The following IL16 variants were observed in gnomAD, a reference collection of about 807,000 sequenced individuals.
The protein encoded by IL16 is interleukin 16, also known as pro-interleukin-16.
In IL16, 67 loss-of-function variants were observed where a neutral mutation model predicts 110.1. The observed-to-expected ratio is 0.61, with a 90% CI of 0.50 to 0.75. The LOEUF (loss-of-function observed/expected upper bound fraction) is 0.75, where lower values mean the gene tolerates loss of function less well. IL16 is among the 30% of genes least tolerant of loss of function. The pLI, the probability that IL16 is intolerant of heterozygous loss-of-function variation, is 0.00. For missense variants in IL16, 1,545 were observed against 1,655.0 expected (o/e 0.93, Z 1.15); for synonymous variants, 689 against 662.9 (o/e 1.04, Z -0.61).
rs1439721410 is a variant in IL16 at position 81,309,445 on chromosome 15, G to A, written c.*647G>A. On this transcript the variant is annotated 3_prime_UTR_variant, in exon 19 of 19. Transcript: ENST00000683961. ...ATCCCAGGATCGCAAGAGCCATGTA[G>A]AAGCTGCATCTTGTTTATACCTTTG... 6.5e-6 allele frequency: 1 copy of A among 152,714 alleles called. No individual in the cohort carries two copies. Among genetic ancestry groups the A allele is most frequent in the African/African-American group, 2.4e-5 (1 of 41,458 alleles). 9.5% of individuals were successfully genotyped at this position (152,714 alleles called of 1,614,324 possible).
intron 15 of IL16, among the ~76,000 whole-genome samples, chr15:81,302,602 A>G (rs1231238234): frequency 6.6e-6 from 1 of 152,202 alleles, no homozygotes; most frequent in Non-Finnish European, 1.5e-5. Context: ...GCTGCAAGTC[A>G]GGTGCTCTAG....
chr15:81,299,427 C>T lies in IL16; in HGVS notation c.2101C>T (p.Arg701Trp), dbSNP rs753354581. Residue 701 changes from arginine (R) to tryptophan (W), a missense_variant, in exon 14 of 19, where the codon CGG (arginine) becomes TGG (tryptophan). Transcript: ENST00000683961. ...IKHPLLKRQA[R>W]MDYSFDTTAE... ...ACACCCACTGCTTAAGAGGCAGGCT[C>T]GGATGGACTATAGCTTTGATACCAC... The T allele has an allele frequency of 7.2e-5, 116 of 1,614,108 alleles. 1 individual carries two copies. The Middle Eastern group carries it at 1.2e-3, about 16-fold the overall frequency.
At chr15:81,293,625 G>A (rs17875485) in intron 12 of IL16, among the ~76,000 whole-genome samples, 1 of 152,254 alleles carries the variant, frequency 6.6e-6, no homozygotes, top group East Asian at 1.9e-4. Context: ...GCTTAAACCC[G>A]GGAGGAGTGG....
At chr15:81,304,798 A>G (rs955920581) in intron 16 of IL16, among the ~76,000 whole-genome samples, 1 of 152,190 alleles carries the variant, frequency 6.6e-6, no homozygotes, top group Non-Finnish European at 1.5e-5. Context: ...GGGGATTCTA[A>G]CCATGTAACA....
At chr15:81,215,765 G>C (rs1287439149) in intron 1 of IL16, among the ~76,000 whole-genome samples, 1 of 152,202 alleles carries the variant, frequency 6.6e-6, no homozygotes, top group Non-Finnish European at 1.5e-5. Context: ...CACACTCTGA[G>C]GGTGGGGGAT....
At chr15:81,272,656 T>C (rs2142253239) in intron 5 of IL16, among the ~76,000 whole-genome samples, 1 of 152,362 alleles carries the variant, frequency 6.6e-6, no homozygotes, top group Non-Finnish European at 1.5e-5. Flanking sequence ...TTGGTATTTT[T>C]ATGATTGTTG....
intron 1 of IL16, among the ~76,000 whole-genome samples, chr15:81,217,283 G>A (rs1033827298): frequency 6.6e-6 from 1 of 152,146 alleles, no homozygotes; most frequent in African/African-American, 2.4e-5. Context: ...GTCTGTGATG[G>A]ACAACTTTAT....
intron 3 of IL16, among the ~76,000 whole-genome samples, chr15:81,265,167 GTGTGTGTGTATCCC>G (rs1431439724): frequency 6.6e-6 from 1 of 152,172 alleles, no homozygotes; most frequent in African/African-American, 2.4e-5. Flanking sequence ...AGTTGTCTCC[GTGTGTGTGTATCCC>G]TGTGTGTGAG....
intron 2 of IL16, among the ~76,000 whole-genome samples, chr15:81,249,507 A>G (rs1282279682): frequency 6.6e-6 from 1 of 152,186 alleles, no homozygotes. Context: ...TGAACTAATC[A>G]TTACACTGCT....
intron 9 of IL16, 35 bp downstream of exon 9, chr15:81,282,791 G>A (rs1223696069): frequency 5.1e-6 from 7 of 1,381,076 alleles, no homozygotes; most frequent in East Asian, 2.3e-5. Flanking sequence ...ATATACCCCC[G>A]ACTTACAACC....
intron 13 of IL16, 110 bp from the exon 14 acceptor site, chr15:81,299,270 A>G (rs1164877834): frequency 1.3e-6 from 2 of 1,584,696 alleles, no homozygotes; most frequent in East Asian, 2.2e-5. Context: ...CACTTCTGCT[A>G]ATCTCCTCCT....
intron 12 of IL16, among the ~76,000 whole-genome samples, chr15:81,295,952 G>A (rs768522849): frequency 3.3e-5 from 5 of 152,098 alleles, no homozygotes; most frequent in Non-Finnish European, 7.4e-5. Flanking sequence ...GGAATGAACC[G>A]GACGTGGAGG....
intron 9 of IL16, 116 bp downstream of exon 9, chr15:81,282,872 A>AGCGGCT: frequency 1.1e-6 from 1 of 903,076 alleles, no homozygotes; most frequent in Non-Finnish European, 1.8e-6. Context: ...CTTGTGGTGG[A>AGCGGCT]GATCAGCCGC....
chr15:81,256,683 T>C (rs909019843), intron 2 of IL16, among the ~76,000 whole-genome samples: 2 of 152,168 alleles, frequency 1.3e-5, no homozygotes, highest in African/African-American at 4.8e-5. Flanking sequence ...ATGTATTGTG[T>C]ACACATCATT....
upstream of IL16, among the ~76,000 whole-genome samples, chr15:81,193,739 C>T (rs891978128): frequency 1.1e-4 from 16 of 152,104 alleles, no homozygotes; most frequent in Non-Finnish European, 2.4e-4. Flanking sequence ...CAGCCTTGGA[C>T]GTGCACTTTT....
chr15:81,231,180 C>T (rs1221231064), intron 2 of IL16, among the ~76,000 whole-genome samples: 1 of 151,482 alleles, frequency 6.6e-6, no homozygotes, highest in East Asian at 1.9e-4. Flanking sequence ...CATAATATAA[C>T]AATAACATAA....
rs1329008445 is a variant in IL16, at chr15:81,311,977, G to GAAGT, written c.*3182_*3185dup. On this transcript the variant is annotated 3_prime_UTR_variant, in exon 19 of 19. Transcript: ENST00000683961. Reference sequence around the variant, plus strand: ...AGTCACCCCAGGACTCAAAAATAGGGAAGTAACAGTAACGCAGGGGAAACG... The same window carrying GAAGT: ...AGTCACCCCAGGACTCAAAAATAGGGAAGTAAGTAACAGTAACGCAGGGGAAACG... 2 of 152,204 alleles carry GAAGT rather than the reference G, an allele frequency of 1.3e-5. No homozygotes were observed. The highest frequency in any genetic ancestry group is 4.8e-5 in the African/African-American group (2 of 41,426). 9.4% of individuals were successfully genotyped at this position (152,204 alleles called of 1,614,324 possible).
chr15:81,182,960 C>G (rs1895366043), intron 1 of IL16: 2 of 1,029,694 alleles, frequency 1.9e-6, no homozygotes, highest in Non-Finnish European at 2.7e-6. Context: ...GGGGTGGACC[C>G]TTCCTGACAT....
intron 4 of IL16, among the ~76,000 whole-genome samples, chr15:81,268,038 C>T (rs932547986): frequency 1.3e-5 from 2 of 152,230 alleles, no homozygotes; most frequent in Middle Eastern, 3.2e-3. Flanking sequence ...ACATTGTCTT[C>T]ATAACAGCCC....
Sources: allele counts gnomAD v4.1 joint callset (sites outside exome capture counted in the v4.1 genomes callset), GRCh38; gene constraint gnomAD v4.1.1; transcripts MANE v1.5; gene names NCBI Gene and HGNC (gene_info 2026-07-23, HGNC 2026-07-21).